The following MYPN variants were observed in gnomAD, a reference collection of about 807,000 sequenced individuals.
MYPN encodes sarcomeric protein myopalladin, 145 kDa (MYOP).
MYPN carries 63 observed loss-of-function variants against 129.4 expected under a neutral mutation model. That is an observed-to-expected ratio of 0.49 (90% confidence interval 0.40 to 0.60). The LOEUF (loss-of-function observed/expected upper bound fraction) is 0.60. MYPN is among the 20% of genes least tolerant of loss of function. The pLI, the probability that MYPN is intolerant of heterozygous loss-of-function variation, is 0.00. For synonymous variants in MYPN, 629 were observed against 600.9 expected (o/e 1.05, Z -0.68); for missense variants, 1,596 against 1,635.4 (o/e 0.98, Z 0.42).
At chr10:68,122,388 C>T (rs1304279709) in intron 2 of MYPN, 48 bp downstream of exon 2, 2 of 1,578,512 alleles carry the variant, frequency 1.3e-6, no homozygotes, top group East Asian at 2.2e-5. Context: ...TTTCCATCTA[C>T]CATGACCCTC....
At chr10:68,206,991 C>T in intron 19 of MYPN, 88 bp downstream of exon 19, 1 of 1,514,056 alleles carries the variant, frequency 6.6e-7, no homozygotes, top group Non-Finnish European at 9.0e-7. Context: ...GGCAAGGTGG[C>T]TCATGCCTGT....
chr10:68,203,690 C>CAA (rs1491500839), intron 18 of MYPN, among the ~76,000 whole-genome samples: 2 of 9,550 alleles, frequency 2.1e-4, no homozygotes, highest in East Asian at 0.042. Context: ...AACGCGCACG[C>CAA]ACACACACAC....
upstream of MYPN, among the ~76,000 whole-genome samples, chr10:68,105,009 C>G (rs1355453077): frequency 6.6e-6 from 1 of 152,158 alleles, no homozygotes; most frequent in East Asian, 1.9e-4. Flanking sequence ...GCTTTGAACT[C>G]CTGACCTCAG....
At chr10:68,180,485 C>T (rs539702747) in intron 12 of MYPN, among the ~76,000 whole-genome samples, 2 of 152,342 alleles carry the variant, frequency 1.3e-5, no homozygotes, top group East Asian at 3.9e-4. Context: ...TGTGCCCGGC[C>T]TACCTCCAAG....
At chr10:68,093,705 C>T (rs1377004343) in intron 1 of MYPN, among the ~76,000 whole-genome samples, 11 of 150,784 alleles carry the variant, frequency 7.3e-5, no homozygotes, top group Non-Finnish European at 1.3e-4. Context: ...TGCAGTGAGC[C>T]GAGATCGCAC....
intron 10 of MYPN, among the ~76,000 whole-genome samples, chr10:68,168,879 G>C (rs2043094717): frequency 6.6e-6 from 1 of 151,528 alleles, no homozygotes; most frequent in South Asian, 2.1e-4. Flanking sequence ...TTTAATCCCA[G>C]CTACTCAGGA....
chr10:68,107,224 T>A (rs2042022110), upstream of MYPN, among the ~76,000 whole-genome samples: 1 of 152,200 alleles, frequency 6.6e-6, no homozygotes, highest in South Asian at 2.1e-4. Context: ...AACATTTATA[T>A]TCAGCTTTTT....
intron 18 of MYPN, among the ~76,000 whole-genome samples, chr10:68,204,888 C>T (rs1364250539): frequency 6.6e-6 from 1 of 151,980 alleles, no homozygotes; most frequent in African/African-American, 2.4e-5. Context: ...CTTGCCAGTA[C>T]CCCGTGTGCA....
In MYPN at chr10:68,158,597, G is replaced by C. The variant is rs780770853; in HGVS notation, c.1429G>C (p.Asp477His). ...GTATAGAGAAGGGACTTTAATAGAA[G>C]ATTCTCCAGATTTTAGGATTTTACA... ...EWYREGTLIEDSPDFRILQKK... is the reference protein window; with the variant it reads ...EWYREGTLIEHSPDFRILQKK... The change falls in exon 7 of 20, where the codon GAT (aspartate) becomes CAT (histidine). Residue 477 changes from aspartate (D) to histidine (H), a missense_variant. By Grantham distance (81) the Asp-to-His change is moderately conservative. Transcript: ENST00000358913. The C allele has an allele frequency of 6.3e-7, 1 of 1,598,622 alleles. No homozygotes were observed. The highest frequency in any genetic ancestry group is 1.1e-5 in the South Asian group (1 of 90,552).
rs2134311963 is a variant in MYPN at position 68,202,002 on chromosome 10, A to G, written c.3659+8A>G. On this transcript the variant is annotated splice_region_variant and intron_variant, in intron 18 of 19. Coordinates refer to ENST00000358913, the MANE Select transcript of MYPN (RefSeq NM_032578.4). ...CACCAGAGAGAGGATCAGGTACAGC[A>G]GCCACCACATCCAGAGGGACTCCCA... 1.9e-6 allele frequency: 3 copies of G among 1,614,024 alleles called. No homozygotes were observed. Among genetic ancestry groups the G allele is most frequent in the Non-Finnish European group, 2.5e-6 (3 of 1,179,990 alleles).
chr10:68,171,158 A>AAAAAC (rs55719244), intron 10 of MYPN, among the ~76,000 whole-genome samples: 14 of 133,224 alleles, frequency 1.1e-4, no homozygotes, highest in African/African-American at 4.4e-4. Flanking sequence ...AAAAAAAAAA[A>AAAAAC]GAAAGAAAGA....
intron 12 of MYPN, among the ~76,000 whole-genome samples, chr10:68,182,256 T>C (rs10997992): frequency 0.012 from 738 of 59,588 alleles, 20 homozygotes; most frequent in East Asian, 0.11. Context: ...ATAACACACA[T>C]ATATATATAA....
chr10:68,157,105 A>G (rs2042888834), intron 6 of MYPN, among the ~76,000 whole-genome samples: 1 of 152,226 alleles, frequency 6.6e-6, no homozygotes, highest in African/African-American at 2.4e-5. Context: ...TACAGAATAC[A>G]CTGATATCTT....
At chr10:68,095,312 T>C (rs541325004) in intron 1 of MYPN, among the ~76,000 whole-genome samples, 2 of 148,932 alleles carry the variant, frequency 1.3e-5, no homozygotes, top group East Asian at 3.9e-4. Flanking sequence ...ATCACTCTAT[T>C]ACACTCCAGC....
intron 1 of MYPN, among the ~76,000 whole-genome samples, chr10:68,091,036 T>C (rs1589508329): frequency 6.6e-6 from 1 of 152,176 alleles, no homozygotes. Flanking sequence ...TAATTTACAA[T>C]GATAAAAATG....
chr10:68,100,586 A>G (rs956088959), intron 1 of MYPN, among the ~76,000 whole-genome samples: 2 of 152,176 alleles, frequency 1.3e-5, no homozygotes, highest in African/African-American at 2.4e-5. Flanking sequence ...GAAAGCAAGG[A>G]CCTTATGTAA....
intron 12 of MYPN, among the ~76,000 whole-genome samples, chr10:68,177,582 T>C (rs1381166872): frequency 6.6e-6 from 1 of 152,182 alleles, no homozygotes; most frequent in Non-Finnish European, 1.5e-5. Flanking sequence ...GAAATGATAG[T>C]AAAAACATCA....
rs556474635 is a variant in MYPN at position 68,201,661 on chromosome 10, G to A, written c.3494-168G>A. On this transcript the variant is annotated intron_variant, in intron 17 of 19. Transcript: ENST00000358913. ...TGCACGCCTGTAATCCCAGCTACTC[G>A]GGAGACTGAGGCAGGAGAATCACCT... is the stretch of plus-strand genomic sequence containing the variant. Among the ~76,000 whole-genome samples the A allele has an allele frequency of 2.6e-5, 4 of 152,162 alleles. No individual in the cohort carries two copies. In the South Asian group the frequency reaches 8.3e-4, roughly 32 times the overall value.
rs7094660 is a variant in MYPN at position 68,197,155 on chromosome 10, A to G, written c.3159-197A>G. ...TGCAGATCTCGCAAGACAATCCCAC[A>G]GTATATGAGATACTTACCACTTTGT... On this transcript the variant is annotated intron_variant, in intron 15 of 19. Transcript: ENST00000358913. Among the ~76,000 whole-genome samples, 63,826 of 151,760 alleles carry G rather than the reference A, an allele frequency of 0.42. 14,093 individuals are homozygous for G. The highest frequency in any genetic ancestry group is 0.49 in the Non-Finnish European group (33,271 of 67,930).
Sources: allele counts gnomAD v4.1 joint callset (sites outside exome capture counted in the v4.1 genomes callset), GRCh38; gene constraint gnomAD v4.1.1; transcripts MANE v1.5; gene names NCBI Gene and HGNC (gene_info 2026-07-23, HGNC 2026-07-21).